Variants in EXOC3L2 observed in about 807,000 individuals in gnomAD.
EXOC3L2 encodes the protein exocyst complex component 3 like 2.
A neutral mutation model predicts 44.4 loss-of-function variants in EXOC3L2; 17 were observed. The observed-to-expected ratio is 0.38, with a 90% CI of 0.26 to 0.57. EXOC3L2 has a LOEUF of 0.57. Among genes scored for constraint, EXOC3L2 ranks in the 20% least tolerant of loss-of-function variants. The pLI, the probability that EXOC3L2 is intolerant of heterozygous loss-of-function variation, is 0.65. For synonymous variants in EXOC3L2, 256 were observed against 253.7 expected (o/e 1.01, Z -0.09); for missense variants, 541 against 588.4 (o/e 0.92, Z 0.83).
chr19:45,240,702 C>G (rs1264034113), intron 1 of EXOC3L2, among the ~76,000 whole-genome samples: 1 of 152,002 alleles, frequency 6.6e-6, no homozygotes, highest in East Asian at 1.9e-4. Context: ...TCGAGACCAG[C>G]TTGGCCAACA....
In EXOC3L2 at chr19:45,213,340, G is replaced by A; in HGVS notation, c.2138C>T (p.Ala713Val). Reference sequence around the variant, plus strand: ...GCGCAGGCCACGGATGTCGAGGAGGGCTGCCACGTGCTTCTGCCTGTGGGG... The same window carrying A: ...GCGCAGGCCACGGATGTCGAGGAGGACTGCCACGTGCTTCTGCCTGTGGGG... ...YPDIRQKHVA[A>V]LLDIRGLRNT... Residue 713 changes from alanine to valine, a missense_variant, in exon 12 of 12, where the codon GCC (alanine) becomes GTC (valine). Transcript: ENST00000413988. 2.5e-6 allele frequency: 4 copies of A among 1,613,404 alleles called. No homozygotes were observed. Among genetic ancestry groups the A allele is most frequent in the Non-Finnish European group, 3.4e-6 (4 of 1,179,732 alleles).
chr19:45,228,335 C>A, intron 4 of EXOC3L2, 69 bp from the exon 5 acceptor site: 2 of 1,348,220 alleles, frequency 1.5e-6, no homozygotes, highest in Non-Finnish European at 2.1e-6. Flanking sequence ...TTATCTCTTT[C>A]TCCCACCACA....
chr19:45,230,133 G>A (rs1055058989), intron 4 of EXOC3L2, among the ~76,000 whole-genome samples: 3 of 150,868 alleles, frequency 2.0e-5, no homozygotes, highest in African/African-American at 4.9e-5. Flanking sequence ...CAATCCTCCC[G>A]CCTCAGATTC....
At position 45,238,463 on chromosome 19, in the gene EXOC3L2, G is replaced by T. The variant is rs780983581; in HGVS notation, c.523+60C>A. On this transcript the variant is annotated intron_variant, in intron 2 of 11. Transcript: ENST00000413988. The surrounding 1 kb of genome is among the most constrained non-coding windows in gnomAD (Gnocchi z 5.5). Reference sequence around the variant, plus strand: ...AAGTATGAAGCCTGGGACCACCAGGGCTGGGGATGGACATGGGCACTGGGA... The same window carrying T: ...AAGTATGAAGCCTGGGACCACCAGGTCTGGGGATGGACATGGGCACTGGGA... The T allele has an allele frequency of 7.5e-6, 3 of 399,412 alleles. No homozygotes were observed. The highest frequency in any genetic ancestry group is 4.4e-5 in the Admixed American group (1 of 22,714). 24.7% of individuals were successfully genotyped at this position (399,412 alleles called of 1,614,324 possible). A position where few individuals can be genotyped will look rare whatever the true frequency, so the allele number is the denominator to read the frequency against.
chr19:45,214,607 GGAGTGTGCCATCACAC>G (rs1324329933), intron 11 of EXOC3L2, among the ~76,000 whole-genome samples: 2 of 152,000 alleles, frequency 1.3e-5, no homozygotes, highest in Admixed American at 1.3e-4. Flanking sequence ...TGGGATTACA[GGAGTGTGCCATCACAC>G]CTGGCTAATT....
chr19:45,221,362 G>C (rs1032599017), intron 8 of EXOC3L2, among the ~76,000 whole-genome samples: 2 of 151,342 alleles, frequency 1.3e-5, no homozygotes, highest in African/African-American at 4.9e-5. Context: ...GGTTTTGTTT[G>C]TTTGTTTTGA....
intron 6 of EXOC3L2, 62 bp downstream of exon 6, chr19:45,227,912 G>T: frequency 6.4e-7 from 1 of 1,554,448 alleles, no homozygotes; most frequent in Non-Finnish European, 8.8e-7. Context: ...TCTCTCTATT[G>T]GATCCCAGGC....
intron 8 of EXOC3L2, among the ~76,000 whole-genome samples, chr19:45,221,558 A>G (rs1969898583): frequency 6.7e-6 from 1 of 149,494 alleles, no homozygotes; most frequent in Non-Finnish European, 1.5e-5. Flanking sequence ...CGTGTTGGCC[A>G]GGATGGTCTC....
At chr19:45,228,374 C>A in intron 4 of EXOC3L2, 108 bp from the exon 5 acceptor site, 1 of 926,572 alleles carries the variant, frequency 1.1e-6, no homozygotes, top group South Asian at 1.7e-5. Context: ...CCAAGCAGTT[C>A]TGGATTCTAC....
intron 8 of EXOC3L2, among the ~76,000 whole-genome samples, chr19:45,223,574 C>A (rs1969921708): frequency 6.6e-6 from 1 of 150,884 alleles, no homozygotes; most frequent in Non-Finnish European, 1.5e-5. Flanking sequence ...AACTCCTGAC[C>A]TCAAGTGATC....
chr19:45,225,097 T>TG (rs57260076), intron 7 of EXOC3L2, among the ~76,000 whole-genome samples, 184 bp from the exon 8 acceptor site: 11,028 of 99,240 alleles, frequency 0.11, 581 homozygotes, highest in African/African-American at 0.21. Flanking sequence ...GTCTGGGGAT[T>TG]GGGGTGTCTG....
Position 45,227,727 on chromosome 19 carries a change from C to T in EXOC3L2, c.1518G>A (p.Arg506=), listed in dbSNP as rs955941161. ...VERFHENPAV[R]EMLPDTYISK... ...TGATATAGGTGTCAGGTAGCATCTCCCGGACTGCTGGGTTCTCATGGAATC... is the reference window on the plus strand; with the variant it reads ...TGATATAGGTGTCAGGTAGCATCTCTCGGACTGCTGGGTTCTCATGGAATC... Residue 506 remains arginine (R), a synonymous_variant, in exon 7 of 12, where the codon CGG becomes CGA. Transcript: ENST00000413988. The T allele has an allele frequency of 5.0e-6, 8 of 1,613,162 alleles. No homozygotes were observed. Among genetic ancestry groups the T allele is most frequent in the East Asian group, 2.2e-5 (1 of 44,854 alleles).
chr19:45,227,859 G>A (rs1028499673), intron 6 of EXOC3L2, 87 bp from the exon 7 acceptor site: 36 of 1,519,706 alleles, frequency 2.4e-5, no homozygotes, highest in Non-Finnish European at 3.1e-5. Context: ...CATCCCTGCG[G>A]TGGCACTCTA....
intron 10 of EXOC3L2, chr19:45,216,665 TCTC>T (rs1226156081): frequency 1.3e-5 from 2 of 152,994 alleles, no homozygotes; most frequent in African/African-American, 2.4e-5. Flanking sequence ...CATAATATAA[TCTC>T]CTCCCAGTTT....
chr19:45,241,349 G>T (rs370005617), intron 1 of EXOC3L2, among the ~76,000 whole-genome samples: 8 of 152,144 alleles, frequency 5.3e-5, no homozygotes, highest in African/African-American at 1.9e-4. Context: ...GCAGTGGCAG[G>T]CGCCTGTAGC....
chr19:45,231,266 C>T (rs886648024), intron 4 of EXOC3L2, among the ~76,000 whole-genome samples: 1 of 152,076 alleles, frequency 6.6e-6, no homozygotes, highest in Non-Finnish European at 1.5e-5. Context: ...GGCCATTCTG[C>T]TCAGCGGTGT....
At position 45,218,203 on chromosome 19, in the gene EXOC3L2, AG is replaced by A; in HGVS notation, c.1835del (p.Pro612LeufsTer6). The A allele has an allele frequency of 6.8e-7, 1 of 1,468,766 alleles. No individual in the cohort carries two copies. Among genetic ancestry groups the A allele is most frequent in the Non-Finnish European group, 9.1e-7 (1 of 1,098,920 alleles). 91.0% of individuals were successfully genotyped at this position (1,468,766 alleles called of 1,614,324 possible). ...TCCCCTCAGGCAGGTGCACCTGGTAAGGCTCGTCCTGCATTCTGCGCAGGGC... is the reference window on the plus strand; with the variant it reads ...TCCCCTCAGGCAGGTGCACCTGGTAAGCTCGTCCTGCATTCTGCGCAGGGC... ...ALALRRMQDE[P>X]YQALVAELHR... is the part of the protein sequence containing the mutation. On this transcript the variant is annotated frameshift_variant, in exon 9 of 12. Transcript: ENST00000413988. LOFTEE classifies it high-confidence loss of function.
intron 10 of EXOC3L2, chr19:45,217,024 T>C (rs1969842607): frequency 6.6e-6 from 1 of 152,154 alleles, no homozygotes; most frequent in East Asian, 1.9e-4. Flanking sequence ...ATGGAGTCTT[T>C]TTTTTCTTTT....
intron 3 of EXOC3L2, among the ~76,000 whole-genome samples, chr19:45,233,481 G>A (rs1970051177): frequency 6.6e-6 from 1 of 152,174 alleles, no homozygotes. Flanking sequence ...GTGGGGCTAT[G>A]GTTCTAGGAA....
Sources: gnomAD v4.1 joint callset for allele counts (sites outside exome capture counted in the v4.1 genomes callset) on GRCh38, gnomAD v4.1.1 for gene constraint, Gnocchi (gnomAD v3.1) non-coding constraint, MANE v1.5 for transcripts, NCBI Gene and HGNC (gene_info 2026-07-23, HGNC 2026-07-21) for gene names.